Variants in TARBP1 observed in about 807,000 individuals in gnomAD.
TARBP1 encodes tRNA (guanosine(18)-2'-O)-methyltransferase TARBP1.
TARBP1 carries 144 observed loss-of-function variants against 178.6 expected under a neutral mutation model. The ratio of observed to expected loss-of-function variants is 0.81; its 90% confidence interval spans 0.70 to 0.93. The LOEUF is 0.93. Ranked by LOEUF, TARBP1 falls within the 40% of genes least tolerant of loss-of-function variation. The pLI, the probability that TARBP1 is intolerant of heterozygous loss-of-function variation, is 0.00. For missense variants in TARBP1, 2,067 were observed against 2,011.7 expected, an observed-to-expected ratio of 1.03 and a Z score of -0.53; for synonymous variants, 787 against 781.0, an observed-to-expected ratio of 1.01 and a Z score of -0.13.
At chr1:234,413,788 G>A (rs181673812) in intron 22 of TARBP1, among the ~76,000 whole-genome samples, 1 of 152,308 alleles carries the variant, frequency 6.6e-6, no homozygotes, top group East Asian at 1.9e-4. Flanking sequence ...GCAGCCCAGT[G>A]AGGGAACCAC....
At chr1:234,420,249 A>G (rs1662933968) in intron 21 of TARBP1, among the ~76,000 whole-genome samples, 1 of 152,216 alleles carries the variant, frequency 6.6e-6, no homozygotes, top group African/African-American at 2.4e-5. Context: ...CACACTATTC[A>G]TGAAGTTAAG....
At chr1:234,449,698 T>A (rs948652520) in intron 10 of TARBP1, among the ~76,000 whole-genome samples, 2 of 152,242 alleles carry the variant, frequency 1.3e-5, no homozygotes, top group Admixed American at 6.5e-5. Context: ...ATTTAAGACC[T>A]ATTCCATGGT....
chr1:234,433,363 T>A (rs527947046), intron 14 of TARBP1, 47 bp downstream of exon 14: 1 of 1,570,148 alleles, frequency 6.4e-7, no homozygotes, highest in African/African-American at 1.4e-5. Context: ...GTATTCCCTG[T>A]ATGCCTTATT....
At chr1:234,392,277 A>G in intron 29 of TARBP1, 139 bp downstream of exon 29, 2 of 1,054,162 alleles carry the variant, frequency 1.9e-6, no homozygotes, top group Admixed American at 2.4e-5. Context: ...CAGAGGTTGT[A>G]GTGAGCCGAG....
intron 12 of TARBP1, among the ~76,000 whole-genome samples, chr1:234,438,775 T>C (rs1216722603): frequency 6.6e-6 from 1 of 152,158 alleles, no homozygotes; most frequent in Non-Finnish European, 1.5e-5. Context: ...GGTATAAACC[T>C]ACAGATTCAA....
At chr1:234,428,917 C>G (rs1664084105) in intron 17 of TARBP1, among the ~76,000 whole-genome samples, 1 of 152,184 alleles carries the variant, frequency 6.6e-6, no homozygotes, top group South Asian at 2.1e-4. Flanking sequence ...CAAACCGTTT[C>G]TGAGGCAGAT....
intron 7 of TARBP1, 60 bp downstream of exon 7, chr1:234,460,201 T>C: frequency 2.0e-6 from 3 of 1,524,058 alleles, no homozygotes; most frequent in South Asian, 1.3e-5. Context: ...GGAGAAAATA[T>C]ATATATTGAT....
At position 234,394,778 on chromosome 1, in the gene TARBP1, C is replaced by T. The variant is rs145566514; in HGVS notation, c.4244-941G>A. On this transcript the variant is annotated intron_variant, in intron 26 of 29. Coordinates refer to ENST00000040877, the MANE Select transcript of TARBP1 (RefSeq NM_005646.4). ...GAGGGAGATGGCTCAAACCAAAGGG[C>T]TTTGCATACAATGATAAAGAATTTA... Among the ~76,000 whole-genome samples, 447 of 152,288 alleles carry T rather than the reference C, an allele frequency of 2.9e-3. 3 individuals are homozygous for T. Among genetic ancestry groups the T allele is most frequent in the Non-Finnish European group, 5.2e-3 (354 of 68,026 alleles).
At position 234,478,311 on chromosome 1, in the gene TARBP1, A is replaced by G. The variant is rs760135311; in HGVS notation, c.793T>C (p.Phe265Leu). 20 of 1,428,284 alleles carry G rather than the reference A, an allele frequency of 1.4e-5. No individual in the cohort carries two copies. Among genetic ancestry groups the G allele is most frequent in the Non-Finnish European group, 1.6e-5 (17 of 1,090,738 alleles). 88.5% of individuals were successfully genotyped at this position (1,428,284 alleles called of 1,614,324 possible). ...AGPDARRCWR[F>L]WRTVQAGLGQ... ...AGCCCCGCCTGCACCGTCCTCCAGA[A>G]GCGCCAGCAGCGCCGGGCGTCCGGG... The change falls in exon 1 of 30, where the codon TTC becomes CTC. Residue 265 changes from phenylalanine (F) to leucine (L), a missense_variant. Physicochemically the swap from Phe to Leu is conservative, Grantham distance 22. Coordinates refer to ENST00000040877, the MANE Select transcript of TARBP1 (RefSeq NM_005646.4).
At chr1:234,464,020 A>T in intron 5 of TARBP1, 86 bp from the exon 6 acceptor site, 1 of 691,470 alleles carries the variant, frequency 1.4e-6, no homozygotes, top group African/African-American at 1.9e-5. Flanking sequence ...ACCATGGCCC[A>T]AAAGTCTTTC....
At chr1:234,474,672 T>C (rs966032386) in intron 1 of TARBP1, among the ~76,000 whole-genome samples, 1 of 152,190 alleles carries the variant, frequency 6.6e-6, no homozygotes, top group Non-Finnish European at 1.5e-5. Flanking sequence ...GGACAATAGA[T>C]AGATACCTTT....
At position 234,465,724 on chromosome 1, in the gene TARBP1, A is replaced by G; in HGVS notation, c.1249-16T>C. 3.2e-6 allele frequency: 5 copies of G among 1,562,762 alleles called. No individual in the cohort carries two copies. The highest frequency in any genetic ancestry group is 4.3e-6 in the Non-Finnish European group (5 of 1,162,002). On this transcript the variant is annotated splice_polypyrimidine_tract_variant and intron_variant, in intron 4 of 29. Transcript: ENST00000040877. ...CAATAATAAACTAAAAAAAAAAAAAAAAAAAGACACGTAATTGAAACTTAG... is the reference window on the plus strand; with the variant it reads ...CAATAATAAACTAAAAAAAAAAAAAGAAAAAGACACGTAATTGAAACTTAG...
chr1:234,468,127 A>G (rs12075985), intron 3 of TARBP1, among the ~76,000 whole-genome samples: 9,573 of 143,042 alleles, frequency 0.067, 433 homozygotes, highest in African/African-American at 0.13. Context: ...TTTGGTATTC[A>G]GTATTCCGTA....
chr1:234,412,181 T>C (rs184430159), intron 22 of TARBP1, among the ~76,000 whole-genome samples: 2 of 152,272 alleles, frequency 1.3e-5, no homozygotes, highest in East Asian at 3.9e-4. Context: ...CCCAGCACTT[T>C]GGGAGGCCGA....
intron 25 of TARBP1, chr1:234,400,953 G>A (rs1660618602): frequency 2.7e-6 from 1 of 370,934 alleles, no homozygotes; most frequent in Non-Finnish European, 4.9e-6. Context: ...CACTGCCTGA[G>A]AAATAGAAAG....
intron 3 of TARBP1, among the ~76,000 whole-genome samples, chr1:234,470,620 CTTT>C (rs1160690637): frequency 1.4e-5 from 2 of 146,418 alleles, no homozygotes; most frequent in Admixed American, 6.8e-5. Context: ...AAATTGTGTT[CTTT>C]TTTTTTTTTT....
At position 234,399,479 on chromosome 1, in the gene TARBP1, G is replaced by A. The variant is rs577050542; in HGVS notation, c.4072-926C>T. On this transcript the variant is annotated intron_variant, in intron 25 of 29. Coordinates refer to ENST00000040877, the MANE Select transcript of TARBP1 (RefSeq NM_005646.4). ...CAACCATTGTGGAAGTCAGTGTGGC[G>A]ATTCCTCAGGGATCTAGAACTAGAA... is the stretch of plus-strand genomic sequence containing the variant. Among the ~76,000 whole-genome samples, 6 of 152,274 alleles carry A rather than the reference G, an allele frequency of 3.9e-5. No individual in the cohort carries two copies. The South Asian group carries it at 1.2e-3, about 32-fold the overall frequency.
At chr1:234,449,686 T>A (rs1572354676) in intron 10 of TARBP1, among the ~76,000 whole-genome samples, 1 of 152,344 alleles carries the variant, frequency 6.6e-6, no homozygotes, top group South Asian at 2.1e-4. Context: ...AATTATCTGA[T>A]CATTTAAGAC....
At chr1:234,470,481 G>A (rs1319203174) in intron 3 of TARBP1, among the ~76,000 whole-genome samples, 1 of 152,122 alleles carries the variant, frequency 6.6e-6, no homozygotes, top group African/African-American at 2.4e-5. Context: ...TGAGACGATC[G>A]TTATTAAAGA....
Sources: gnomAD v4.1 joint callset for allele counts (sites outside exome capture counted in the v4.1 genomes callset) on GRCh38, gnomAD v4.1.1 for gene constraint, MANE v1.5 for transcripts, NCBI Gene and HGNC (gene_info 2026-07-23, HGNC 2026-07-21) for gene names.